SMYD3: variants seen among roughly 807,000 people sequenced by gnomAD.
SMYD3 encodes the protein SET and MYND domain containing 3.
A neutral mutation model predicts 57.7 loss-of-function variants in SMYD3; 36 were observed. The ratio of observed to expected loss-of-function variants is 0.62; its 90% CI spans 0.48 to 0.82. The LOEUF is 0.82. Ranked by LOEUF, SMYD3 falls within the 40% of genes least tolerant of loss-of-function variation. SMYD3 has a pLI of 0.00. For missense variants in SMYD3, 515 were observed against 538.8 expected (o/e 0.96, Z 0.44); for synonymous variants, 211 against 195.0 (o/e 1.08, Z -0.68).
At chr1:245,793,089 C>T (rs1320577112) in intron 10 of SMYD3, among the ~76,000 whole-genome samples, 1 of 44,780 alleles carries the variant, frequency 2.2e-5, no homozygotes, top group African/African-American at 8.5e-5. Flanking sequence ...GGCGGGTGAT[C>T]ACGAAATCAG....
At chr1:246,320,677 T>G (rs944271589) in intron 5 of SMYD3, among the ~76,000 whole-genome samples, 3 of 152,172 alleles carry the variant, frequency 2.0e-5, no homozygotes, top group Non-Finnish European at 4.4e-5. Context: ...GAAAAGAAAG[T>G]TATAAGCCCA....
intron 5 of SMYD3, among the ~76,000 whole-genome samples, chr1:246,147,892 G>A (rs1300886056): frequency 6.6e-6 from 1 of 152,118 alleles, no homozygotes; most frequent in East Asian, 1.9e-4. Flanking sequence ...CTGCACCCTG[G>A]AGGGCCCGGG....
At chr1:246,276,147 G>C (rs12759815) in intron 5 of SMYD3, among the ~76,000 whole-genome samples, 6 of 112,280 alleles carry the variant, frequency 5.3e-5, no homozygotes, top group African/African-American at 1.2e-4. Context: ...TTTAATGTCT[G>C]TAGTGGAGTC....
intron 5 of SMYD3, among the ~76,000 whole-genome samples, chr1:245,968,558 C>T (rs1287621873): frequency 6.6e-6 from 1 of 152,144 alleles, no homozygotes; most frequent in Non-Finnish European, 1.5e-5. Flanking sequence ...TAACAATGCA[C>T]CTCATGTAAA....
chr1:246,425,998 C>T (rs961079722), intron 1 of SMYD3: 2 of 151,044 alleles, frequency 1.3e-5, no homozygotes, highest in African/African-American at 4.9e-5. Context: ...GATTATATCT[C>T]TTTTTTTTTA....
chr1:246,120,667 T>C (rs558377958), intron 5 of SMYD3, among the ~76,000 whole-genome samples: 1 of 152,318 alleles, frequency 6.6e-6, no homozygotes, highest in East Asian at 1.9e-4. Flanking sequence ...TGACATTGGC[T>C]AGATGGCCAA....
At chr1:246,265,022 G>A (rs2064077889) in intron 5 of SMYD3, among the ~76,000 whole-genome samples, 2 of 152,222 alleles carry the variant, frequency 1.3e-5, no homozygotes, top group Non-Finnish European at 2.9e-5. Flanking sequence ...CATATGAAGA[G>A]AAGCATGCTA....
chr1:245,763,924 G>A, intron 11 of SMYD3, 117 bp downstream of exon 11: 1 of 712,666 alleles, frequency 1.4e-6, no homozygotes, highest in Admixed American at 2.4e-5. Context: ...CACACACTGG[G>A]CATGCGTGTG....
rs1177213709 is a variant in SMYD3, at chr1:245,817,977, G to T, written c.1076+40519C>A. On this transcript the variant is annotated intron_variant, in intron 10 of 11. Transcript: ENST00000490107. Reference sequence around the variant, plus strand: ...AAACAAGTTGGAAAGCACTCTGCAGGATATTATCCAGGAGAACTTCCCCAA... The same window carrying T: ...AAACAAGTTGGAAAGCACTCTGCAGTATATTATCCAGGAGAACTTCCCCAA... Among the ~76,000 whole-genome samples the T allele has an allele frequency of 3.9e-5, 6 of 152,298 alleles. No homozygotes were observed. In the South Asian group the frequency reaches 6.2e-4, roughly 16 times the overall value.
At chr1:246,210,553 T>C (rs1284465152) in intron 5 of SMYD3, among the ~76,000 whole-genome samples, 1 of 151,878 alleles carries the variant, frequency 6.6e-6, no homozygotes, top group Non-Finnish European at 1.5e-5. Context: ...CTACTAAAAA[T>C]GCAAAAATTA....
chr1:245,835,653 A>C (rs1419652461), intron 10 of SMYD3, among the ~76,000 whole-genome samples: 1 of 152,144 alleles, frequency 6.6e-6, no homozygotes, highest in Non-Finnish European at 1.5e-5. Context: ...TCGATTCTGC[A>C]CAAGCTTGGT....
chr1:246,127,098 G>C (rs376364475), intron 5 of SMYD3, among the ~76,000 whole-genome samples: 2 of 152,136 alleles, frequency 1.3e-5, no homozygotes, highest in East Asian at 1.9e-4. Context: ...AGTACCAAAA[G>C]GTGATGCTAG....
intron 10 of SMYD3, among the ~76,000 whole-genome samples, chr1:245,846,498 G>A (rs1404551361): frequency 6.6e-6 from 1 of 152,196 alleles, no homozygotes; most frequent in Non-Finnish European, 1.5e-5. Flanking sequence ...TGACTCAAAT[G>A]CTTTAAAAAA....
At chr1:245,961,779 A>G (rs2058016085) in intron 5 of SMYD3, among the ~76,000 whole-genome samples, 1 of 152,134 alleles carries the variant, frequency 6.6e-6, no homozygotes, top group Non-Finnish European at 1.5e-5. Context: ...ACATGTTACT[A>G]TAATTAACAT....
intron 1 of SMYD3, among the ~76,000 whole-genome samples, chr1:246,462,003 G>C (rs2067804727): frequency 6.6e-6 from 1 of 152,216 alleles, no homozygotes; most frequent in African/African-American, 2.4e-5. Flanking sequence ...ACAGAGTAGA[G>C]TACCTAATCC....
At chr1:245,851,118 T>C (rs10924362) in intron 10 of SMYD3, among the ~76,000 whole-genome samples, 31,091 of 152,028 alleles carry the variant, frequency 0.2, 4,652 homozygotes, top group East Asian at 0.59. Context: ...CCTCCTACTC[T>C]AGCACTCTAA....
intron 1 of SMYD3, among the ~76,000 whole-genome samples, chr1:246,398,418 T>C (rs1170472900): frequency 6.6e-6 from 1 of 152,346 alleles, no homozygotes; most frequent in East Asian, 1.9e-4. Flanking sequence ...ATGCTGGACT[T>C]CTCTGTCATA....
intron 5 of SMYD3, among the ~76,000 whole-genome samples, chr1:246,066,973 G>T (rs1194985121): frequency 1.3e-5 from 2 of 152,184 alleles, no homozygotes; most frequent in Non-Finnish European, 2.9e-5. Flanking sequence ...GCAGAATTCA[G>T]TACTTTATCT....
chr1:246,084,196 T>C (rs1485677836), intron 5 of SMYD3, among the ~76,000 whole-genome samples: 1 of 109,022 alleles, frequency 9.2e-6, no homozygotes, highest in Non-Finnish European at 1.6e-5. Flanking sequence ...TGACAATTCC[T>C]TTTTTTTTTT....
Sources: allele counts gnomAD v4.1 joint callset (sites outside exome capture counted in the v4.1 genomes callset), GRCh38; gene constraint gnomAD v4.1.1; transcripts MANE v1.5; gene names NCBI Gene and HGNC (gene_info 2026-07-23, HGNC 2026-07-21).